HTR1F: variants seen among roughly 807,000 people sequenced by gnomAD.
HTR1F encodes 5-hydroxytryptamine (serotonin) receptor 1F, G protein-coupled.
A neutral mutation model predicts 24.0 loss-of-function variants in HTR1F; 17 were observed. The ratio of observed to expected loss-of-function variants is 0.71; its 90% CI spans 0.48 to 1.06. The LOEUF is 1.06. Ranked by LOEUF, HTR1F falls within the 50% of genes least tolerant of loss-of-function variation. The probability of loss-of-function intolerance (pLI) is 0.00; values close to 1 mark genes in which losing one functional copy is unlikely to be tolerated. For synonymous variants in HTR1F, 186 were observed against 156.8 expected (o/e 1.19, Z -1.39); for missense variants, 391 against 427.8 (o/e 0.91, Z 0.76).
At chr3:87,971,015 C>T (rs575930055) in intron 2 of HTR1F, among the ~76,000 whole-genome samples, 1 of 152,262 alleles carries the variant, frequency 6.6e-6, no homozygotes, top group South Asian at 2.1e-4. Flanking sequence ...TGATCCCTGC[C>T]TCCTCCCCTT....
chr3:87,836,313 G>T (rs1704681816), intron 2 of HTR1F, among the ~76,000 whole-genome samples: 2 of 151,982 alleles, frequency 1.3e-5, no homozygotes, highest in African/African-American at 2.4e-5. Context: ...GAGATGTTGG[G>T]TTTTTTTGAT....
rs139185783 is a variant in HTR1F, at chr3:87,856,061, T to C, written c.-43+33937T>C. On this transcript the variant is annotated intron_variant, in intron 2 of 2. Coordinates refer to ENST00000319595, the MANE Select transcript of HTR1F (RefSeq NM_001322209.2). ...GAAAAAAATTATATTTCAAGGTTGCTAAGATGTATAGTAAAAAGATATTTT... is the reference window on the plus strand; with the variant it reads ...GAAAAAAATTATATTTCAAGGTTGCCAAGATGTATAGTAAAAAGATATTTT... 3.3e-5 allele frequency among the ~76,000 whole-genome samples: 5 copies of C among 152,234 alleles called. 1 individual carries two copies. Among genetic ancestry groups the C allele is most frequent in the African/African-American group, 1.2e-4 (5 of 41,566 alleles).
intron 2 of HTR1F, among the ~76,000 whole-genome samples, chr3:87,930,561 T>C (rs564285433): frequency 2.6e-5 from 4 of 152,356 alleles, no homozygotes; most frequent in Admixed American, 6.5e-5. Flanking sequence ...TTTTTGTTTT[T>C]AGTTCTGTGT....
intron 2 of HTR1F, among the ~76,000 whole-genome samples, chr3:87,823,157 A>G (rs1032847174): frequency 2.0e-5 from 3 of 152,224 alleles, no homozygotes; most frequent in Non-Finnish European, 4.4e-5. Context: ...CTAAAAGTAT[A>G]TATTTAATAA....
At chr3:87,884,235 G>A (rs1705881868) in intron 2 of HTR1F, among the ~76,000 whole-genome samples, 1 of 152,112 alleles carries the variant, frequency 6.6e-6, no homozygotes, top group Admixed American at 6.6e-5. Flanking sequence ...TTTATACCCA[G>A]CCAAACTCAG....
At chr3:87,814,032 A>G (rs1208662732) in intron 1 of HTR1F, among the ~76,000 whole-genome samples, 1 of 152,178 alleles carries the variant, frequency 6.6e-6, no homozygotes, top group East Asian at 1.9e-4. Context: ...AGCATTTTTA[A>G]AAGTGGTTAC....
chr3:87,794,469 T>C (rs1271578409), intron 1 of HTR1F, among the ~76,000 whole-genome samples: 1 of 152,214 alleles, frequency 6.6e-6, no homozygotes, highest in East Asian at 1.9e-4. Flanking sequence ...CTCAGATGTT[T>C]CTAGAACAAA....
chr3:87,962,644 A>T (rs1705086659), intron 2 of HTR1F, among the ~76,000 whole-genome samples: 1 of 152,066 alleles, frequency 6.6e-6, no homozygotes, highest in Non-Finnish European at 1.5e-5. Flanking sequence ...TCAGAAATTC[A>T]TTTGAAAACT....
At chr3:87,899,012 A>C (rs1706263188) in intron 2 of HTR1F, among the ~76,000 whole-genome samples, 1 of 152,204 alleles carries the variant, frequency 6.6e-6, no homozygotes, top group East Asian at 1.9e-4. Flanking sequence ...TATGAGGAGC[A>C]AAACACAGAA....
At chr3:87,841,289 T>C (rs868333034) in intron 2 of HTR1F, among the ~76,000 whole-genome samples, 4 of 151,892 alleles carry the variant, frequency 2.6e-5, no homozygotes, top group African/African-American at 4.8e-5. Flanking sequence ...AAAAATTTAA[T>C]AAATAAAAAA....
At chr3:87,840,987 A>G (rs1333011553) in intron 2 of HTR1F, among the ~76,000 whole-genome samples, 3 of 152,010 alleles carry the variant, frequency 2.0e-5, no homozygotes, top group African/African-American at 4.8e-5. Context: ...CTACTGTTAG[A>G]TAAGAGACAC....
chr3:87,965,975 C>T (rs1705155015), intron 2 of HTR1F, among the ~76,000 whole-genome samples: 1 of 152,122 alleles, frequency 6.6e-6, no homozygotes, highest in African/African-American at 2.4e-5. Context: ...TTATGTCTTC[C>T]TCCTCCTAGA....
chr3:87,874,236 CCA>C (rs71131526), intron 2 of HTR1F, among the ~76,000 whole-genome samples: 2 of 151,706 alleles, frequency 1.3e-5, no homozygotes, highest in Non-Finnish European at 1.5e-5. Context: ...CCTAAAGATT[CCA>C]CACACACACA....
intron 2 of HTR1F, among the ~76,000 whole-genome samples, chr3:87,913,991 C>G (rs929050050): frequency 1.3e-5 from 2 of 152,128 alleles, no homozygotes; most frequent in Admixed American, 6.6e-5. Context: ...GATCCACAGA[C>G]CCCCTGAAGG....
intron 2 of HTR1F, among the ~76,000 whole-genome samples, chr3:87,882,603 GA>G (rs1265631504): frequency 3.3e-5 from 5 of 150,702 alleles, no homozygotes; most frequent in African/African-American, 1.2e-4. Context: ...AAACTATCAA[GA>G]ACAAAAAACT....
intron 2 of HTR1F, among the ~76,000 whole-genome samples, chr3:87,983,184 T>C (rs1437649667): frequency 6.6e-6 from 1 of 151,928 alleles, no homozygotes; most frequent in African/African-American, 2.4e-5. Flanking sequence ...GAGAGATGAG[T>C]ATTCAAAGCC....
At chr3:87,980,925 G>C (rs1323682978) in intron 2 of HTR1F, among the ~76,000 whole-genome samples, 1 of 152,208 alleles carries the variant, frequency 6.6e-6, no homozygotes, top group African/African-American at 2.4e-5. Flanking sequence ...GGGGCAGGGA[G>C]GGTTCCCATG....
intron 2 of HTR1F, among the ~76,000 whole-genome samples, chr3:87,885,044 C>T (rs1187995632): frequency 6.6e-6 from 1 of 152,134 alleles, no homozygotes; most frequent in Non-Finnish European, 1.5e-5. Flanking sequence ...ATACATTCTC[C>T]TCAGCACCAC....
chr3:87,979,036 GA>G (rs1705469477), intron 2 of HTR1F, among the ~76,000 whole-genome samples: 5 of 3,228 alleles, frequency 1.5e-3, no homozygotes, highest in African/African-American at 2.9e-3. Flanking sequence ...GGGAGGGAGG[GA>G]GGGGGGGAGG....
Sources: allele counts gnomAD v4.1 joint callset (sites outside exome capture counted in the v4.1 genomes callset), GRCh38; gene constraint gnomAD v4.1.1; transcripts MANE v1.5; gene names NCBI Gene and HGNC (gene_info 2026-07-23, HGNC 2026-07-21).